Variants in CUX1 observed in about 807,000 individuals in gnomAD.
CUX1 encodes protein CASP.
A neutral mutation model predicts 158.8 loss-of-function variants in CUX1; 31 were observed. The observed-to-expected ratio is 0.20, with a 90% CI of 0.15 to 0.26. The LOEUF (loss-of-function observed/expected upper bound fraction) is 0.26, where lower values mean the gene tolerates loss of function less well. CUX1 is among the 10% of genes least tolerant of loss of function. The pLI is 1.00. For missense variants in CUX1, 1,589 were observed against 2,014.6 expected (o/e 0.79, Z 4.04); for synonymous variants, 879 against 862.1 (o/e 1.02, Z -0.34).
chr7:101,858,024 G>A (rs1797065053), intron 1 of CUX1, among the ~76,000 whole-genome samples: 1 of 152,222 alleles, frequency 6.6e-6, no homozygotes, highest in Non-Finnish European at 1.5e-5. Flanking sequence ...TCGGGAGGCT[G>A]AGGCAGGAGA....
chr7:102,122,750 G>A (rs1218923287), intron 8 of CUX1, among the ~76,000 whole-genome samples: 1 of 152,178 alleles, frequency 6.6e-6, no homozygotes, highest in Non-Finnish European at 1.5e-5. Context: ...CTATTGCAAA[G>A]CATCAGTGAG....
chr7:102,177,244 TC>T (rs1792474881), intron 10 of CUX1, among the ~76,000 whole-genome samples: 1 of 151,558 alleles, frequency 6.6e-6, no homozygotes, highest in East Asian at 1.9e-4. Context: ...TGAAACCCCA[TC>T]TCTACTAAAA....
intron 2 of CUX1, among the ~76,000 whole-genome samples, chr7:101,918,138 C>T (rs917623424): frequency 1.3e-5 from 2 of 152,194 alleles, no homozygotes; most frequent in African/African-American, 4.8e-5. Context: ...GCCTGGCTTC[C>T]TGGGTGTTCC....
chr7:102,084,954 T>G (rs1827815395), intron 4 of CUX1, among the ~76,000 whole-genome samples: 1 of 146,670 alleles, frequency 6.8e-6, no homozygotes, highest in South Asian at 2.2e-4. Flanking sequence ...GACCCAACAT[T>G]AGGGAAAAGC....
chr7:101,936,763 C>T (rs1321350153), intron 2 of CUX1, among the ~76,000 whole-genome samples: 2 of 152,124 alleles, frequency 1.3e-5, no homozygotes, highest in Non-Finnish European at 2.9e-5. Flanking sequence ...TGCTTTCTGC[C>T]CTGGCCACGT....
intron 22 of CUX1, among the ~76,000 whole-genome samples, chr7:102,236,432 AT>A (rs1799571467): frequency 6.6e-6 from 1 of 152,030 alleles, no homozygotes; most frequent in Non-Finnish European, 1.5e-5. Flanking sequence ...TTTTCAACTT[AT>A]TTTTCGTTTT....
chr7:102,233,097 G>A (rs1799166649), intron 21 of CUX1, among the ~76,000 whole-genome samples: 1 of 152,052 alleles, frequency 6.6e-6, no homozygotes, highest in Admixed American at 6.6e-5. Flanking sequence ...CCTGAGCTCT[G>A]GCTTAGAGAT....
intron 1 of CUX1, among the ~76,000 whole-genome samples, chr7:101,887,842 C>T (rs1800390170): frequency 7.4e-6 from 1 of 135,038 alleles, no homozygotes; most frequent in Non-Finnish European, 1.6e-5. Flanking sequence ...ATGACGGTGA[C>T]ATTTTTTTTT....
chr7:101,943,488 C>T (rs907209996), intron 2 of CUX1, among the ~76,000 whole-genome samples: 4 of 151,984 alleles, frequency 2.6e-5, no homozygotes, highest in Admixed American at 1.3e-4. Flanking sequence ...TCCCGCGCGG[C>T]GGCGGCTGAC....
intron 6 of CUX1, among the ~76,000 whole-genome samples, chr7:102,109,174 A>G (rs1057160883): frequency 1.3e-5 from 2 of 152,214 alleles, no homozygotes; most frequent in African/African-American, 4.8e-5. Context: ...CAGATTCTCA[A>G]AAACAAATAA....
Position 102,080,951 on chromosome 7 carries a change from C to T in CUX1, c.268+10534C>T, listed in dbSNP as rs1015141683. Among the ~76,000 whole-genome samples the T allele has an allele frequency of 3.3e-5, 5 of 152,350 alleles. No individual in the cohort carries two copies. In the East Asian group the frequency reaches 5.8e-4, roughly 18 times the overall value. On this transcript the variant is annotated intron_variant, in intron 4 of 23. Transcript: ENST00000292535. The stretch of plus-strand genomic sequence containing the variant: ...CGCACGCCAGATATGCTGTTTCATT[C>T]CTTCTTTCTGCCCAATCTCTAACAC...
chr7:101,868,367 T>C (rs926233264), intron 1 of CUX1, among the ~76,000 whole-genome samples: 2 of 152,238 alleles, frequency 1.3e-5, no homozygotes, highest in Non-Finnish European at 2.9e-5. Flanking sequence ...GGCCTCATCT[T>C]GGGCCAGCGC....
At chr7:102,121,377 G>A (rs1355012393) in intron 8 of CUX1, among the ~76,000 whole-genome samples, 8 of 137,460 alleles carry the variant, frequency 5.8e-5, no homozygotes, top group East Asian at 4.1e-4. Context: ...ACTGAGTCTC[G>A]CTCTATTGCC....
At chr7:102,064,090 G>A (rs2130448511) in intron 3 of CUX1, among the ~76,000 whole-genome samples, 1 of 152,338 alleles carries the variant, frequency 6.6e-6, no homozygotes, top group Non-Finnish European at 1.5e-5. Flanking sequence ...GTGAGGCATG[G>A]CAGGAGGTGA....
rs372533987 is a variant in CUX1, at chr7:102,177,635, C to G, written c.829-834C>G. Among the ~76,000 whole-genome samples the G allele has an allele frequency of 1.6e-4, 25 of 152,092 alleles. No homozygotes were observed. In the East Asian group the frequency reaches 3.9e-3, roughly 24 times the overall value. ...TGCCTGGAGCACTCTTCCCTCTTCCCCAACGCTCAGCAGCCCCTCCCCACC... is the reference window on the plus strand; with the variant it reads ...TGCCTGGAGCACTCTTCCCTCTTCCGCAACGCTCAGCAGCCCCTCCCCACC... On this transcript the variant is annotated intron_variant, in intron 10 of 23. Transcript: ENST00000292535.
At chr7:102,048,658 G>C (rs548512945) in intron 3 of CUX1, among the ~76,000 whole-genome samples, 1 of 151,934 alleles carries the variant, frequency 6.6e-6, no homozygotes, top group Non-Finnish European at 1.5e-5. Flanking sequence ...GTGAAACCCC[G>C]TCTCTACTAA....
chr7:101,886,045 G>T (rs1415051721), intron 1 of CUX1, among the ~76,000 whole-genome samples: 1 of 152,096 alleles, frequency 6.6e-6, no homozygotes, highest in Non-Finnish European at 1.5e-5. Context: ...TGCCTCTGTG[G>T]GGGACACTCT....
chr7:101,887,842 C>CCTTTTT (rs1562966470), intron 1 of CUX1, among the ~76,000 whole-genome samples: 4 of 135,070 alleles, frequency 3.0e-5, no homozygotes, highest in African/African-American at 2.7e-5. Flanking sequence ...ATGACGGTGA[C>CCTTTTT]ATTTTTTTTT....
In CUX1 at chr7:102,195,491, G is replaced by A. The variant is rs782071892; in HGVS notation, c.1126-16G>A. The stretch of plus-strand genomic sequence containing the variant: ...TGGCCGGCCCCGCAGTGAGACCCCC[G>A]CTCTGCCCCTTCTAGGATGCGGCCA... On this transcript the variant is annotated splice_polypyrimidine_tract_variant and intron_variant, in intron 13 of 23. Coordinates refer to ENST00000292535, the MANE Select transcript of CUX1 (RefSeq NM_181552.4). The A allele has an allele frequency of 4.7e-5, 75 of 1,604,558 alleles. No individual in the cohort carries two copies. The highest frequency in any genetic ancestry group is 1.7e-4 in the Middle Eastern group (1 of 5,924).
Sources: gnomAD v4.1 joint callset for allele counts (sites outside exome capture counted in the v4.1 genomes callset) on GRCh38, gnomAD v4.1.1 for gene constraint, MANE v1.5 for transcripts, NCBI Gene and HGNC (gene_info 2026-07-23, HGNC 2026-07-21) for gene names.